The following RSRC1 variants were observed in gnomAD, a reference collection of about 807,000 sequenced individuals.
RSRC1 encodes serine/Arginine-related protein 53.
RSRC1 carries 39 observed loss-of-function variants against 49.1 expected under a neutral mutation model. That is an observed-to-expected ratio of 0.79 (90% CI 0.61 to 1.04). The LOEUF (loss-of-function observed/expected upper bound fraction) is 1.04, where lower values mean the gene tolerates loss of function less well. RSRC1 is among the 50% of genes least tolerant of loss of function. The probability of loss-of-function intolerance (pLI) is 0.00; values close to 1 mark genes in which losing one functional copy is unlikely to be tolerated. For synonymous variants in RSRC1, 143 were observed against 130.8 expected (o/e 1.09, Z -0.63); for missense variants, 388 against 402.4 (o/e 0.96, Z 0.31).
At chr3:158,383,487 T>C (rs1207322351) in intron 6 of RSRC1, among the ~76,000 whole-genome samples, 1 of 151,406 alleles carries the variant, frequency 6.6e-6, no homozygotes, top group Admixed American at 6.6e-5. Context: ...CAGGGCTGTA[T>C]GTGCTGACTA....
intron 5 of RSRC1, among the ~76,000 whole-genome samples, chr3:158,343,268 G>C (rs1284893009): frequency 6.6e-6 from 1 of 152,140 alleles, no homozygotes; most frequent in African/African-American, 2.4e-5. Context: ...TTGTGGTCCT[G>C]CCTAACAAAG....
At chr3:158,311,636 C>T (rs1436481065) in intron 5 of RSRC1, among the ~76,000 whole-genome samples, 1 of 151,856 alleles carries the variant, frequency 6.6e-6, no homozygotes, top group Non-Finnish European at 1.5e-5. Context: ...TTCTGGAAAT[C>T]TAATGTACAG....
At chr3:158,275,062 G>A (rs141272427) in intron 4 of RSRC1, among the ~76,000 whole-genome samples, 1,677 of 152,272 alleles carry the variant, frequency 0.011, 43 homozygotes, top group African/African-American at 0.038. Context: ...CACTTGAAAG[G>A]TATTTATCTA....
At chr3:158,367,874 A>G (rs375868474) in intron 6 of RSRC1, among the ~76,000 whole-genome samples, 13 of 152,180 alleles carry the variant, frequency 8.5e-5, no homozygotes, top group Admixed American at 4.6e-4. Flanking sequence ...ATTTCCAACA[A>G]TGAATGTGGT....
intron 3 of RSRC1, among the ~76,000 whole-genome samples, chr3:158,137,224 C>G (rs1716434670): frequency 6.6e-6 from 1 of 152,118 alleles, no homozygotes. Flanking sequence ...CCCCTCACCT[C>G]ACTTTCTATT....
At chr3:158,241,720 G>A (rs1349451321) in intron 4 of RSRC1, among the ~76,000 whole-genome samples, 1 of 151,910 alleles carries the variant, frequency 6.6e-6, no homozygotes, top group African/African-American at 2.4e-5. Context: ...CAGTAGTATC[G>A]ACTCTTCTAG....
chr3:158,520,337 C>G (rs1711587202), intron 7 of RSRC1, among the ~76,000 whole-genome samples: 1 of 152,146 alleles, frequency 6.6e-6, no homozygotes, highest in South Asian at 2.1e-4. Context: ...GCAATCAGCA[C>G]ATGGAGGAAC....
chr3:158,348,161 CTCTT>C (rs1287307634), intron 5 of RSRC1, among the ~76,000 whole-genome samples: 1 of 152,136 alleles, frequency 6.6e-6, no homozygotes, highest in Non-Finnish European at 1.5e-5. Context: ...CTACTTTTCT[CTCTT>C]TAACAACCTC....
intron 6 of RSRC1, among the ~76,000 whole-genome samples, chr3:158,388,192 A>C (rs1334034340): frequency 6.6e-6 from 1 of 151,640 alleles, no homozygotes; most frequent in African/African-American, 2.4e-5. Flanking sequence ...ATATTATATA[A>C]AATTTTATAA....
At chr3:158,511,247 C>A (rs1740154896) in intron 7 of RSRC1, among the ~76,000 whole-genome samples, 1 of 152,018 alleles carries the variant, frequency 6.6e-6, no homozygotes, top group Non-Finnish European at 1.5e-5. Flanking sequence ...CCAATGCTAT[C>A]CCTTCCCCCT....
intron 4 of RSRC1, among the ~76,000 whole-genome samples, chr3:158,252,018 G>T (rs941835432): frequency 2.0e-5 from 3 of 152,056 alleles, no homozygotes; most frequent in African/African-American, 7.2e-5. Flanking sequence ...GAGGGTTTTT[G>T]TTATGAAGGG....
At position 158,121,578 on chromosome 3, in the gene RSRC1, G is replaced by A. The variant is rs141004203; in HGVS notation, c.-2-525G>A. On this transcript the variant is annotated intron_variant, in intron 1 of 9. Coordinates refer to ENST00000611884, the MANE Select transcript of RSRC1 (RefSeq NM_001271838.2). The stretch of plus-strand genomic sequence containing the variant: ...TTTGTACTTTGTTGATGACTAATGA[G>A]GTTTTAGCTATTTAAAGATGTAGAA... Among the ~76,000 whole-genome samples the A allele has an allele frequency of 1.1e-3, 170 of 151,916 alleles. 2 individuals carry two copies. The highest frequency in any genetic ancestry group is 4.0e-3 in the African/African-American group (164 of 41,418).
intron 3 of RSRC1, among the ~76,000 whole-genome samples, chr3:158,139,629 C>CATTAGT (rs1716614925): frequency 1.4e-5 from 2 of 138,434 alleles, no homozygotes; most frequent in African/African-American, 5.4e-5. Context: ...TACTGAATCC[C>CATTAGT]ATTAGTCTTT....
intron 6 of RSRC1, among the ~76,000 whole-genome samples, chr3:158,419,475 T>C (rs1025985374): frequency 6.6e-6 from 1 of 151,972 alleles, no homozygotes; most frequent in Admixed American, 6.6e-5. Flanking sequence ...TTTTGTTCAT[T>C]GAGAGAGTGC....
intron 3 of RSRC1, among the ~76,000 whole-genome samples, chr3:158,140,534 T>C (rs371951053): frequency 4.9e-4 from 74 of 152,350 alleles, no homozygotes; most frequent in African/African-American, 1.6e-3. Context: ...TCTTATTTTA[T>C]GAGTGTAATA....
chr3:158,121,236 C>CA (rs1425115452), intron 1 of RSRC1, among the ~76,000 whole-genome samples: 1 of 151,632 alleles, frequency 6.6e-6, no homozygotes, highest in Non-Finnish European at 1.5e-5. Flanking sequence ...ATTTCTCTGT[C>CA]AAAAAAGCAT....
intron 4 of RSRC1, among the ~76,000 whole-genome samples, chr3:158,241,701 A>G (rs1393439303): frequency 6.6e-6 from 1 of 152,076 alleles, no homozygotes; most frequent in Non-Finnish European, 1.5e-5. Flanking sequence ...ATGATGAATG[A>G]AAAGGCTGCA....
intron 6 of RSRC1, among the ~76,000 whole-genome samples, chr3:158,416,085 GCTTT>G (rs1393061906): frequency 2.0e-5 from 3 of 151,914 alleles, no homozygotes; most frequent in African/African-American, 4.8e-5. Flanking sequence ...CAAATGTAAT[GCTTT>G]CTTTATTTTG....
intron 7 of RSRC1, among the ~76,000 whole-genome samples, chr3:158,514,930 G>A (rs1314401587): frequency 2.6e-5 from 4 of 152,076 alleles, no homozygotes; most frequent in African/African-American, 9.6e-5. Context: ...TCAGAGAGTA[G>A]GATTGCAACC....
Sources: allele counts gnomAD v4.1 joint callset (sites outside exome capture counted in the v4.1 genomes callset), GRCh38; gene constraint gnomAD v4.1.1; transcripts MANE v1.5; gene names NCBI Gene and HGNC (gene_info 2026-07-23, HGNC 2026-07-21).